Variants in RALYL observed in about 807,000 individuals in gnomAD.
The protein encoded by RALYL is RNA-binding Raly-like protein.
A neutral mutation model predicts 35.1 loss-of-function variants in RALYL; 29 were observed. That is an observed-to-expected ratio of 0.83 (90% CI 0.61 to 1.13). The LOEUF (loss-of-function observed/expected upper bound fraction) is 1.13, where lower values mean the gene tolerates loss of function less well. Among genes scored for constraint, RALYL ranks in the 50% most tolerant of loss-of-function variants. The probability of loss-of-function intolerance (pLI) is 0.00; values close to 1 mark genes in which losing one functional copy is unlikely to be tolerated. For synonymous variants in RALYL, 120 were observed against 127.6 expected (o/e 0.94, Z 0.40); for missense variants, 359 against 360.4 (o/e 1.00, Z 0.03).
chr8:84,645,170 G>A (rs1250541509), intron 2 of RALYL, among the ~76,000 whole-genome samples: 1 of 151,814 alleles, frequency 6.6e-6, no homozygotes, highest in Non-Finnish European at 1.5e-5. Context: ...AATATGTTGG[G>A]TCTCAATTGT....
chr8:84,663,235 G>A (rs28869500), intron 2 of RALYL, among the ~76,000 whole-genome samples: 11,189 of 151,964 alleles, frequency 0.074, 1,005 homozygotes, highest in African/African-American at 0.21. Context: ...GTCTATAATC[G>A]GTGGGCATTT....
chr8:84,305,752 AG>A (rs1313757576), intron 1 of RALYL, among the ~76,000 whole-genome samples: 1 of 152,192 alleles, frequency 6.6e-6, no homozygotes, highest in Non-Finnish European at 1.5e-5. Flanking sequence ...CATTCATCCC[AG>A]CAGGTTGCAT....
chr8:84,322,368 G>T (rs144867047), intron 1 of RALYL, among the ~76,000 whole-genome samples: 23 of 152,126 alleles, frequency 1.5e-4, no homozygotes, highest in Admixed American at 7.2e-4. Flanking sequence ...GAGGAACAAA[G>T]AATAAAGCTA....
At chr8:84,287,540 T>C (rs2132168507) in intron 1 of RALYL, among the ~76,000 whole-genome samples, 1 of 151,978 alleles carries the variant, frequency 6.6e-6, no homozygotes, top group Non-Finnish European at 1.5e-5. Flanking sequence ...GTTTGTTACA[T>C]GAGAATCGAA....
intron 1 of RALYL, among the ~76,000 whole-genome samples, chr8:84,519,964 A>C (rs1411461484): frequency 6.6e-6 from 1 of 152,218 alleles, no homozygotes; most frequent in Non-Finnish European, 1.5e-5. Context: ...ACAGGGTTGC[A>C]TCTGTGCTTG....
intron 1 of RALYL, among the ~76,000 whole-genome samples, chr8:84,411,165 T>A (rs2044060086): frequency 6.6e-6 from 1 of 151,924 alleles, no homozygotes; most frequent in African/African-American, 2.4e-5. Context: ...TTTTGGACTT[T>A]ATTTTTTCCC....
chr8:84,434,033 T>A (rs1297032371), intron 1 of RALYL, among the ~76,000 whole-genome samples: 3 of 152,010 alleles, frequency 2.0e-5, no homozygotes, highest in Non-Finnish European at 2.9e-5. Context: ...TACTACAGAC[T>A]GGGTAACTTA....
intron 8 of RALYL, among the ~76,000 whole-genome samples, chr8:84,919,375 G>A (rs1848964082): frequency 6.6e-6 from 1 of 151,874 alleles, no homozygotes; most frequent in Non-Finnish European, 1.5e-5. Flanking sequence ...TTCTCATAAT[G>A]ATAATTGATC....
intron 1 of RALYL, among the ~76,000 whole-genome samples, chr8:84,426,195 A>G (rs2046411476): frequency 6.6e-6 from 1 of 152,172 alleles, no homozygotes; most frequent in African/African-American, 2.4e-5. Flanking sequence ...TAATATATCC[A>G]TCATCTCACA....
At chr8:84,183,178 C>G (rs533130083), upstream of RALYL, 1 of 156,432 alleles carries the variant, frequency 6.4e-6, no homozygotes, top group Non-Finnish European at 1.4e-5. Context: ...GGCCCAACCC[C>G]GCTCGGCTCC....
At chr8:84,323,636 A>G (rs969182260) in intron 1 of RALYL, among the ~76,000 whole-genome samples, 1 of 152,090 alleles carries the variant, frequency 6.6e-6, no homozygotes, top group Non-Finnish European at 1.5e-5. Flanking sequence ...GCACATCAGT[A>G]GGTAAAGGCA....
At position 84,920,010 on chromosome 8, in the gene RALYL, T is replaced by C. The variant is rs1043287964; in HGVS notation, c.859-884T>C. On this transcript the variant is annotated intron_variant, in intron 8 of 8. Coordinates refer to ENST00000521268, the MANE Select transcript of RALYL (RefSeq NM_173848.7). ...CATTTGCCACACTCAGTCTTTTTCA[T>C]AATCTTTGTATCATGGACTTCAAAG... Among the ~76,000 whole-genome samples, 5 of 152,134 alleles carry C rather than the reference T, an allele frequency of 3.3e-5. No individual in the cohort carries two copies. In the South Asian group the frequency reaches 6.2e-4, roughly 19 times the overall value.
At chr8:84,258,477 CT>C (rs946270960) in intron 1 of RALYL, among the ~76,000 whole-genome samples, 102 of 149,652 alleles carry the variant, frequency 6.8e-4, no homozygotes, top group African/African-American at 2.1e-3. Flanking sequence ...CTTTTGATTA[CT>C]TTTTTTTTTC....
At chr8:84,557,964 C>T (rs1393705599) in intron 2 of RALYL, among the ~76,000 whole-genome samples, 1 of 152,106 alleles carries the variant, frequency 6.6e-6, no homozygotes, top group Non-Finnish European at 1.5e-5. Context: ...TAAGTATGTT[C>T]ATCTTGTAAG....
At chr8:84,251,095 G>A (rs963986639) in intron 1 of RALYL, among the ~76,000 whole-genome samples, 1 of 152,050 alleles carries the variant, frequency 6.6e-6, no homozygotes, top group Non-Finnish European at 1.5e-5. Context: ...ACATTTACAA[G>A]TTATTTTTGA....
chr8:84,778,935 C>T (rs1281406055), intron 3 of RALYL, among the ~76,000 whole-genome samples: 1 of 151,688 alleles, frequency 6.6e-6, no homozygotes. Flanking sequence ...GGAAAGGGAG[C>T]AAAAAGGAAT....
At chr8:84,908,552 A>C (rs143534479) in intron 8 of RALYL, among the ~76,000 whole-genome samples, 1 of 152,140 alleles carries the variant, frequency 6.6e-6, no homozygotes, top group Admixed American at 6.6e-5. Flanking sequence ...TTAAGGCTGA[A>C]TAGTATTCCA....
chr8:84,246,744 G>A (rs1002787046), intron 1 of RALYL, among the ~76,000 whole-genome samples: 1 of 152,126 alleles, frequency 6.6e-6, no homozygotes, highest in African/African-American at 2.4e-5. Flanking sequence ...GGAGGCTGTT[G>A]CCACAGTCCA....
intron 1 of RALYL, among the ~76,000 whole-genome samples, chr8:84,377,451 G>GTTTTT (rs369746268): frequency 4.1e-4 from 34 of 83,722 alleles, no homozygotes; most frequent in African/African-American, 9.0e-4. Flanking sequence ...AAGGTTAACT[G>GTTTTT]TTTTTTTTTT....
Sources: allele counts gnomAD v4.1 joint callset (sites outside exome capture counted in the v4.1 genomes callset), GRCh38; gene constraint gnomAD v4.1.1; transcripts MANE v1.5; gene names NCBI Gene and HGNC (gene_info 2026-07-23, HGNC 2026-07-21).